Variants in DNAAF9 observed in about 807,000 individuals in gnomAD.
DNAAF9 encodes the protein dynein axonemal assembly factor 9, also known as shulin.
DNAAF9 carries 90 observed loss-of-function variants against 167.0 expected under a neutral mutation model. The ratio of observed to expected loss-of-function variants is 0.54; its 90% confidence interval spans 0.45 to 0.64. The LOEUF (loss-of-function observed/expected upper bound fraction) is 0.64. DNAAF9 is among the 30% of genes least tolerant of loss of function. The pLI is 0.00. For missense variants in DNAAF9, 1,315 were observed against 1,442.2 expected (o/e 0.91, Z 1.43); for synonymous variants, 491 against 508.8 (o/e 0.96, Z 0.47).
intron 29 of DNAAF9, 87 bp from the exon 30 acceptor site, chr20:3,270,649 C>A (rs1333711125): frequency 3.0e-5 from 34 of 1,122,402 alleles, no homozygotes; most frequent in Non-Finnish European, 4.0e-5. Context: ...GCTCCATCCC[C>A]TAATCATGCC....
intron 3 of DNAAF9, among the ~76,000 whole-genome samples, chr20:3,376,751 T>G (rs536834343): frequency 6.6e-6 from 1 of 152,238 alleles, no homozygotes; most frequent in East Asian, 1.9e-4. Flanking sequence ...GTTGAAAGAG[T>G]TAAGTTTTAT....
intron 33 of DNAAF9, among the ~76,000 whole-genome samples, chr20:3,257,331 G>A (rs1052414608): frequency 5.9e-5 from 9 of 151,564 alleles, no homozygotes; most frequent in African/African-American, 1.7e-4. Flanking sequence ...GGCAACATAG[G>A]GAGACCTTGT....
chr20:3,391,470 G>A (rs1031626603), intron 1 of DNAAF9, among the ~76,000 whole-genome samples: 1 of 151,378 alleles, frequency 6.6e-6, no homozygotes, highest in African/African-American at 2.4e-5. Flanking sequence ...TGTCTATTTT[G>A]AGGGAAAAAA....
chr20:3,337,130 C>T (rs767105562), intron 10 of DNAAF9, among the ~76,000 whole-genome samples: 4 of 151,534 alleles, frequency 2.6e-5, no homozygotes, highest in Admixed American at 6.6e-5. Context: ...CTGCCCACCT[C>T]GGCTTCTCTA....
chr20:3,406,737 G>A (rs1480024997), intron 1 of DNAAF9, among the ~76,000 whole-genome samples: 2 of 152,160 alleles, frequency 1.3e-5, no homozygotes, highest in Non-Finnish European at 2.9e-5. Context: ...CGCTTTCGGA[G>A]GTTCTAGGCC....
chr20:3,325,426 G>A (rs1306391656), intron 13 of DNAAF9, among the ~76,000 whole-genome samples: 2 of 152,212 alleles, frequency 1.3e-5, no homozygotes, highest in African/African-American at 4.8e-5. Flanking sequence ...TGATATTGAA[G>A]GACACCCCAC....
At chr20:3,302,645 A>T (rs1257809583) in intron 21 of DNAAF9, among the ~76,000 whole-genome samples, 1 of 152,258 alleles carries the variant, frequency 6.6e-6, no homozygotes, top group Non-Finnish European at 1.5e-5. Context: ...ACATGGATGA[A>T]TCTAAAAATC....
At chr20:3,404,458 A>T (rs2084029126) in intron 1 of DNAAF9, among the ~76,000 whole-genome samples, 1 of 152,204 alleles carries the variant, frequency 6.6e-6, no homozygotes. Context: ...ACACTGCTAC[A>T]CTGCCTTTTC....
intron 27 of DNAAF9, among the ~76,000 whole-genome samples, chr20:3,284,402 A>G (rs909306368): frequency 3.3e-5 from 5 of 151,950 alleles, no homozygotes; most frequent in Non-Finnish European, 5.9e-5. Context: ...GGCTGCTCTC[A>G]AACTCCTGAG....
chr20:3,315,663 T>TTAA lies in DNAAF9; in HGVS notation c.1590+69_1590+71dup. 1 of 1,209,204 alleles carries TTAA rather than the reference T, an allele frequency of 8.3e-7. No homozygotes were observed. The highest frequency in any genetic ancestry group is 2.3e-5 in the East Asian group (1 of 43,032). The allele number at this position is 1,209,204 out of a possible 1,614,324, so 74.9% of individuals were successfully genotyped here. A position where few individuals can be genotyped will look rare whatever the true frequency, so the allele number is the denominator to read the frequency against. ...TAGATTAGTAGTGAGATGAAGCATT[T>TTAA]TAATACCTTTATGAATTGCTTACAT... On this transcript the variant is annotated intron_variant, in intron 19 of 36. Transcript: ENST00000252032. This position sits in a 1 kb window ranked among gnomAD's most constrained non-coding sequence, Gnocchi z 4.1.
chr20:3,274,081 G>GA (rs973352087), intron 29 of DNAAF9, among the ~76,000 whole-genome samples: 5 of 151,788 alleles, frequency 3.3e-5, no homozygotes, highest in Non-Finnish European at 5.9e-5. Flanking sequence ...TAAAAAAAAA[G>GA]AAAAAAAGTT....
At chr20:3,340,086 T>TG (rs1301611228) in intron 10 of DNAAF9, among the ~76,000 whole-genome samples, 2 of 152,214 alleles carry the variant, frequency 1.3e-5, no homozygotes, top group African/African-American at 4.8e-5. Flanking sequence ...ATCTTCTCTC[T>TG]GGCACTCTCA....
At chr20:3,342,801 A>G (rs2070113478) in intron 9 of DNAAF9, among the ~76,000 whole-genome samples, 1 of 152,168 alleles carries the variant, frequency 6.6e-6, no homozygotes, top group Non-Finnish European at 1.5e-5. Flanking sequence ...CTCTCTATCC[A>G]TCAGAGGAAG....
At chr20:3,287,566 A>G in intron 27 of DNAAF9, 66 bp downstream of exon 27, 2 of 1,498,908 alleles carry the variant, frequency 1.3e-6, no homozygotes, top group Non-Finnish European at 1.9e-6. Flanking sequence ...TGTTACACAT[A>G]AAATAAGAGT....
At chr20:3,383,825 C>T (rs1422336221) in intron 1 of DNAAF9, among the ~76,000 whole-genome samples, 1 of 142,682 alleles carries the variant, frequency 7.0e-6, no homozygotes, top group Non-Finnish European at 1.5e-5. Context: ...TTGAAATGGA[C>T]TCTCACTCTG....
chr20:3,368,614 G>A (rs1389493537), intron 6 of DNAAF9, among the ~76,000 whole-genome samples: 2 of 149,968 alleles, frequency 1.3e-5, no homozygotes, highest in Admixed American at 6.7e-5. Context: ...CCAGGTTCAC[G>A]CCATTCTCCT....
chr20:3,277,538 A>T (rs1293944343), intron 29 of DNAAF9, among the ~76,000 whole-genome samples: 1 of 151,826 alleles, frequency 6.6e-6, no homozygotes, highest in Non-Finnish European at 1.5e-5. Flanking sequence ...TGTGCTTTCT[A>T]TTTGAAGGAC....
chr20:3,283,139 C>G (rs370788200), intron 27 of DNAAF9, among the ~76,000 whole-genome samples: 6 of 152,326 alleles, frequency 3.9e-5, no homozygotes, highest in African/African-American at 1.4e-4. Context: ...TAGAGGAGAA[C>G]TCTTTCCTGA....
chr20:3,376,171 T>G lies in DNAAF9; in HGVS notation c.408+7A>C. Reference sequence around the variant, plus strand: ...CTCTAGGTGCCTGTCTTCTCTTTTCTTCTTACCTCATTTTCGGTCATGCAG... The same window carrying G: ...CTCTAGGTGCCTGTCTTCTCTTTTCGTCTTACCTCATTTTCGGTCATGCAG... On this transcript the variant is annotated splice_region_variant and intron_variant, in intron 4 of 36. Coordinates refer to ENST00000252032, the MANE Select transcript of DNAAF9 (RefSeq NM_001009984.3). 1 of 1,612,068 alleles carries G rather than the reference T, an allele frequency of 6.2e-7. No individual in the cohort carries two copies. Among genetic ancestry groups the G allele is most frequent in the Non-Finnish European group, 8.5e-7 (1 of 1,179,374 alleles).
Sources: gnomAD v4.1 joint callset for allele counts (sites outside exome capture counted in the v4.1 genomes callset) on GRCh38, gnomAD v4.1.1 for gene constraint, Gnocchi (gnomAD v3.1) non-coding constraint, MANE v1.5 for transcripts, NCBI Gene and HGNC (gene_info 2026-07-23, HGNC 2026-07-21) for gene names.